The following GTPBP10 variants were observed in gnomAD, a reference collection of about 807,000 sequenced individuals.
The protein encoded by GTPBP10 is GTP binding protein 10.
Under a neutral mutation model 44.8 loss-of-function variants are expected in GTPBP10, and 38 were observed. That is an observed-to-expected ratio of 0.85 (90% CI 0.65 to 1.11). The LOEUF (loss-of-function observed/expected upper bound fraction) is 1.11. Among genes scored for constraint, GTPBP10 ranks in the 50% most tolerant of loss-of-function variants. The pLI is 0.00. For synonymous variants in GTPBP10, 152 were observed against 150.6 expected, an observed-to-expected ratio of 1.01 and a Z score of -0.07; for missense variants, 462 against 453.7, an observed-to-expected ratio of 1.02 and a Z score of -0.17.
At chr7:90,378,994 C>T (rs1796391825) in intron 8 of GTPBP10, among the ~76,000 whole-genome samples, 1 of 152,184 alleles carries the variant, frequency 6.6e-6, no homozygotes, top group Non-Finnish European at 1.5e-5. Context: ...TGGGCCATTG[C>T]ACCTGGCCTT....
chr7:90,358,449 C>T (rs1795948113), intron 4 of GTPBP10, among the ~76,000 whole-genome samples: 1 of 151,956 alleles, frequency 6.6e-6, no homozygotes, highest in Admixed American at 6.6e-5. Flanking sequence ...GAATAGAGAA[C>T]CCAGAAATAA....
At chr7:90,377,457 G>T (rs780070385) in intron 6 of GTPBP10, 50 bp from the exon 7 acceptor site, 4 of 1,241,980 alleles carry the variant, frequency 3.2e-6, no homozygotes, top group African/African-American at 3.0e-5. Context: ...AATTGAACTT[G>T]CGGTTTTCAT....
chr7:90,383,224 G>T (rs1796462870), intron 9 of GTPBP10, 145 bp downstream of exon 9: 2 of 475,860 alleles, frequency 4.2e-6, no homozygotes, highest in South Asian at 1.6e-4. Flanking sequence ...AAATAACATT[G>T]TAACATAATA....
chr7:90,365,085 G>GC (rs1421280900), intron 4 of GTPBP10, among the ~76,000 whole-genome samples: 23 of 152,180 alleles, frequency 1.5e-4, no homozygotes, highest in Non-Finnish European at 3.2e-4. Flanking sequence ...CCCAAGTGAG[G>GC]CAATGCCTTG....
rs1212063893 is a variant in GTPBP10 at position 90,365,695 on chromosome 7, A to G, written c.465-6460A>G. On this transcript the variant is annotated intron_variant, in intron 4 of 9. Transcript: ENST00000222511. Reference sequence around the variant, plus strand: ...CCGGCCGGGGTTTTCTAAATATACAATCATGTCATCTGCCAACAGGACAAT... The same window carrying G: ...CCGGCCGGGGTTTTCTAAATATACAGTCATGTCATCTGCCAACAGGACAAT... Among the ~76,000 whole-genome samples the G allele has an allele frequency of 3.9e-5, 6 of 152,282 alleles. No homozygotes were observed. In the South Asian group the frequency reaches 1.0e-3, roughly 26 times the overall value.
intron 1 of GTPBP10, among the ~76,000 whole-genome samples, chr7:90,351,037 C>T (rs2115597354): frequency 6.6e-6 from 1 of 152,288 alleles, no homozygotes. Context: ...GCAAGATGAA[C>T]TGCTCATGGG....
At chr7:90,384,495 A>G (rs1796488191) in intron 9 of GTPBP10, among the ~76,000 whole-genome samples, 1 of 152,174 alleles carries the variant, frequency 6.6e-6, no homozygotes, top group Non-Finnish European at 1.5e-5. Context: ...AAAGGTCTCC[A>G]GTGTACTGAG....
intron 2 of GTPBP10, among the ~76,000 whole-genome samples, chr7:90,353,711 T>C (rs1795839646): frequency 6.6e-6 from 1 of 152,206 alleles, no homozygotes; most frequent in Non-Finnish European, 1.5e-5. Flanking sequence ...TTTTTTCTTT[T>C]ATGAGCAGTT....
At position 90,367,356 on chromosome 7, in the gene GTPBP10, G is replaced by A. The variant is rs547011598; in HGVS notation, c.465-4799G>A. On this transcript the variant is annotated intron_variant, in intron 4 of 9. Coordinates refer to ENST00000222511, the MANE Select transcript of GTPBP10 (RefSeq NM_033107.4). ...GATATCCTTGTTAACCTTCTGTCTC[G>A]TTGATCTAATATTGACAGTGGGGTG... is the stretch of plus-strand genomic sequence containing the variant. 1.1e-4 allele frequency among the ~76,000 whole-genome samples: 16 copies of A among 152,124 alleles called. No homozygotes were observed. In the East Asian group the frequency reaches 2.3e-3, roughly 22 times the overall value.
At chr7:90,370,995 G>C (rs1397077873) in intron 4 of GTPBP10, among the ~76,000 whole-genome samples, 2 of 140,862 alleles carry the variant, frequency 1.4e-5, no homozygotes, top group African/African-American at 2.7e-5. Context: ...AACAGAGCGA[G>C]ACTCCATCTC....
chr7:90,353,636 CAT>C (rs1795838634), intron 2 of GTPBP10, among the ~76,000 whole-genome samples: 1 of 152,076 alleles, frequency 6.6e-6, no homozygotes, highest in Admixed American at 6.5e-5. Flanking sequence ...TACTATTTTA[CAT>C]GTTTGTTCAA....
In GTPBP10 at chr7:90,372,154, G is replaced by C. The variant is rs1430266630; in HGVS notation, c.465-1G>C. 3.8e-6 allele frequency: 6 copies of C among 1,589,482 alleles called. No individual in the cohort carries two copies. Among genetic ancestry groups the C allele is most frequent in the Non-Finnish European group, 5.2e-6 (6 of 1,161,882 alleles). On this transcript the variant is annotated splice_acceptor_variant, in intron 4 of 9. Transcript: ENST00000222511. LOFTEE classifies it high-confidence loss of function. ...TGTATAATTTTATATTCTTGTTTCA[G>C]ATTCCCAAATGCTGGAAAATCCTCT... is the stretch of plus-strand genomic sequence containing the variant.
intron 4 of GTPBP10, among the ~76,000 whole-genome samples, chr7:90,362,388 G>T (rs9800976): frequency 0.89 from 135,778 of 152,020 alleles, 60,835 homozygotes; most frequent in East Asian, 1. Context: ...ATTTCGTTAT[G>T]TACCCAGTAG....
chr7:90,385,282 A>C lies in GTPBP10; in HGVS notation c.*128A>C. On this transcript the variant is annotated 3_prime_UTR_variant, in exon 10 of 10. Transcript: ENST00000222511. ...GGCTTAGAAAGACAAATGCTGCATA[A>C]TCTCACTGTGGAATCTTAAGTTGAA... is the stretch of plus-strand genomic sequence containing the variant. 1.6e-6 allele frequency: 1 copy of C among 632,208 alleles called. No homozygotes were observed. The allele number at this position is 632,208 out of a possible 1,614,324, so 39.2% of individuals were successfully genotyped here. A position where few individuals can be genotyped will look rare whatever the true frequency, so the allele number is the denominator to read the frequency against.
At chr7:90,380,342 T>G (rs1196512870) in intron 8 of GTPBP10, among the ~76,000 whole-genome samples, 1 of 152,154 alleles carries the variant, frequency 6.6e-6, no homozygotes, top group East Asian at 1.9e-4. Flanking sequence ...CTTCCCAGAG[T>G]GCTGGGATTA....
At chr7:90,358,489 A>C (rs933977991) in intron 4 of GTPBP10, among the ~76,000 whole-genome samples, 2 of 152,174 alleles carry the variant, frequency 1.3e-5, no homozygotes, top group East Asian at 3.8e-4. Context: ...ACTGATCGTC[A>C]ACAAAGCACA....
At chr7:90,363,878 A>C (rs1218896652) in intron 4 of GTPBP10, among the ~76,000 whole-genome samples, 2 of 152,010 alleles carry the variant, frequency 1.3e-5, no homozygotes, top group Non-Finnish European at 2.9e-5. Context: ...GCTTCATTTC[A>C]TTCATTTAAT....
At position 90,391,179 on chromosome 7, in the gene GTPBP10, T is replaced by C. The variant is rs1796609286; in HGVS notation, c.*6025T>C. ...ATGACCTTCCTTTCCTATAAAAATATGAAGCAGAAAACTCCCCCATGATTT... is the reference window on the plus strand; with the variant it reads ...ATGACCTTCCTTTCCTATAAAAATACGAAGCAGAAAACTCCCCCATGATTT... On this transcript the variant is annotated 3_prime_UTR_variant, in exon 10 of 10. Transcript: ENST00000222511. 1 of 152,176 alleles carries C rather than the reference T, an allele frequency of 6.6e-6. No homozygotes were observed. The allele number at this position is 152,176 out of a possible 1,614,324, so 9.4% of individuals were successfully genotyped here. A position where few individuals can be genotyped will look rare whatever the true frequency, so the allele number is the denominator to read the frequency against.
chr7:90,365,595 C>T, intron 4 of GTPBP10, among the ~76,000 whole-genome samples: 1 of 151,768 alleles, frequency 6.6e-6, no homozygotes, highest in Non-Finnish European at 1.5e-5. Flanking sequence ...CCGGGATGGT[C>T]TCGATCTCCT....
Sources: gnomAD v4.1 joint callset for allele counts (sites outside exome capture counted in the v4.1 genomes callset) on GRCh38, gnomAD v4.1.1 for gene constraint, MANE v1.5 for transcripts, NCBI Gene and HGNC (gene_info 2026-07-23, HGNC 2026-07-21) for gene names.